IRAG2: variants seen among roughly 807,000 people sequenced by gnomAD.
IRAG2 encodes inositol 1,4,5-triphosphate receptor associated 2, also known as lymphoid restricted membrane protein.
IRAG2 carries 45 observed loss-of-function variants against 69.9 expected under a neutral mutation model. The observed-to-expected ratio is 0.64, with a 90% CI of 0.51 to 0.83. The LOEUF is 0.83. IRAG2 is among the 40% of genes least tolerant of loss of function. IRAG2 has a pLI of 0.00. For missense variants in IRAG2, 520 were observed against 587.0 expected, an observed-to-expected ratio of 0.89 and a Z score of 1.18; for synonymous variants, 193 against 202.4, an observed-to-expected ratio of 0.95 and a Z score of 0.40.
upstream of IRAG2, among the ~76,000 whole-genome samples, chr12:25,000,979 A>C (rs1944387710): frequency 6.6e-6 from 1 of 152,226 alleles, no homozygotes; most frequent in Non-Finnish European, 1.5e-5. Context: ...TTTAGACAGA[A>C]GAGACAGGAG....
At chr12:25,006,385 G>A (rs1944430352) in intron 2 of IRAG2, 1 of 152,164 alleles carries the variant, frequency 6.6e-6, no homozygotes, top group Admixed American at 6.5e-5. Flanking sequence ...TGTACCCAAA[G>A]GAATGTAAAT....
At chr12:25,098,195 A>G (rs929958967) in intron 15 of IRAG2, among the ~76,000 whole-genome samples, 8 of 152,204 alleles carry the variant, frequency 5.3e-5, no homozygotes, top group African/African-American at 1.9e-4. Context: ...ATGCCTGCAT[A>G]GCTGGAAAAT....
At chr12:25,098,439 GC>G (rs1948552858) in intron 15 of IRAG2, among the ~76,000 whole-genome samples, 1 of 152,212 alleles carries the variant, frequency 6.6e-6, no homozygotes, top group East Asian at 1.9e-4. Flanking sequence ...CTGCCACAAA[GC>G]CTCCCAGCGT....
chr12:25,091,126 T>A (rs1278483664), intron 14 of IRAG2: 1 of 171,936 alleles, frequency 5.8e-6, no homozygotes, highest in Admixed American at 6.3e-5. Flanking sequence ...AAGAATCACG[T>A]TATTTTTTAC....
At chr12:25,023,794 C>A in intron 7 of IRAG2, 3 of 707,530 alleles carry the variant, frequency 4.2e-6, no homozygotes, top group South Asian at 1.4e-4. Flanking sequence ...TAGAGAATGT[C>A]AGCCTTGGAG....
At chr12:25,029,672 T>G (rs1323835602) in intron 9 of IRAG2, among the ~76,000 whole-genome samples, 1 of 152,178 alleles carries the variant, frequency 6.6e-6, no homozygotes, top group African/African-American at 2.4e-5. Context: ...AATATGTTTT[T>G]TTTTTTTATT....
chr12:25,048,762 T>A (rs939672001), upstream of IRAG2, among the ~76,000 whole-genome samples: 1 of 152,258 alleles, frequency 6.6e-6, no homozygotes. Flanking sequence ...AACTCTTTAG[T>A]TTAATTAGAT....
intron 2 of IRAG2, among the ~76,000 whole-genome samples, chr12:25,007,234 C>T (rs1944440075): frequency 6.6e-6 from 1 of 152,212 alleles, no homozygotes; most frequent in Admixed American, 6.5e-5. Flanking sequence ...ATTTCATCCA[C>T]AAATATTTCA....
chr12:25,012,581 AT>A (rs1218951871), intron 3 of IRAG2, among the ~76,000 whole-genome samples: 1 of 151,684 alleles, frequency 6.6e-6, no homozygotes, highest in East Asian at 2.0e-4. Flanking sequence ...TAATCCCAGC[AT>A]TTTGGGAGGC....
chr12:25,026,818 A>T, exon 9 of IRAG2: 1 of 1,229,328 alleles, frequency 8.1e-7, no homozygotes, highest in Non-Finnish European at 1.0e-6. Flanking sequence ...ATATAGACAG[A>T]CTGGAAAAGA....
At chr12:25,054,868 T>A (rs1945133691) in intron 1 of IRAG2, among the ~76,000 whole-genome samples, 1 of 152,194 alleles carries the variant, frequency 6.6e-6, no homozygotes, top group Admixed American at 6.5e-5. Flanking sequence ...AAATGTTCTA[T>A]ATAGCAGATG....
At chr12:25,022,128 C>T (rs575932352) in intron 7 of IRAG2, among the ~76,000 whole-genome samples, 2 of 152,296 alleles carry the variant, frequency 1.3e-5, no homozygotes, top group East Asian at 3.9e-4. Flanking sequence ...ATACTACTTA[C>T]CCTAGGGCTG....
At chr12:25,023,126 CAAAAAAAAA>C (rs139607228) in intron 7 of IRAG2, among the ~76,000 whole-genome samples, 2 of 112,560 alleles carry the variant, frequency 1.8e-5, no homozygotes, top group African/African-American at 3.3e-5. Context: ...GACTTCGTCT[CAAAAAAAAA>C]AAAAAAAAAA....
At chr12:25,005,765 T>G (rs1944425980) in intron 2 of IRAG2, among the ~76,000 whole-genome samples, 2 of 152,230 alleles carry the variant, frequency 1.3e-5, no homozygotes, top group Admixed American at 6.5e-5. Flanking sequence ...AGATGTGTTT[T>G]TTAAAAAATT....
chr12:25,094,242 A>AT (rs1948271563), intron 14 of IRAG2, among the ~76,000 whole-genome samples: 1 of 151,892 alleles, frequency 6.6e-6, no homozygotes, highest in South Asian at 2.1e-4. Context: ...TATTTAATCC[A>AT]TTTTGAGTTA....
intron 9 of IRAG2, among the ~76,000 whole-genome samples, chr12:25,081,115 T>C (rs984461638): frequency 3.9e-5 from 6 of 152,106 alleles, no homozygotes; most frequent in Non-Finnish European, 8.8e-5. Flanking sequence ...TAGAACAATT[T>C]TGACAACATA....
Position 25,103,849 on chromosome 12 carries a change from C to G in IRAG2, c.946C>G (p.Arg316Gly), listed in dbSNP as rs372629272. 3 of 1,612,050 alleles carry G rather than the reference C, an allele frequency of 1.9e-6. No homozygotes were observed. The highest frequency in any genetic ancestry group is 2.7e-5 in the African/African-American group (2 of 74,858). The part of the protein sequence containing the change: ...ASLNSKPSSL[R>G]RVTIASLPRN... Reference sequence around the variant, plus strand: ...CTCCTTCTGGTAGCCATCTTCTCTACGAAGAGTGACTATTGCCTCTTTACC... The same window carrying G: ...CTCCTTCTGGTAGCCATCTTCTCTAGGAAGAGTGACTATTGCCTCTTTACC... The change falls in exon 18 of 22, where the codon CGA becomes GGA. Residue 316 changes from arginine (R) to glycine (G), a missense_variant. Coordinates refer to ENST00000556887, the MANE Select transcript of IRAG2 (RefSeq NM_001366544.2).
exon 16 of IRAG2, chr12:25,038,070 A>G (rs1944716052): frequency 2.5e-6 from 1 of 398,804 alleles, no homozygotes; most frequent in African/African-American, 2.1e-5. Context: ...AGAATTTGCC[A>G]AATTAATAGA....
At chr12:25,004,197 A>T (rs150172672), upstream of IRAG2, 386 of 532,106 alleles carry the variant, frequency 7.3e-4, 7 homozygotes, top group East Asian at 0.013. Context: ...GAAACTGAGC[A>T]TCTTGTCATG....
Sources: allele counts gnomAD v4.1 joint callset (sites outside exome capture counted in the v4.1 genomes callset), GRCh38; gene constraint gnomAD v4.1.1; transcripts MANE v1.5; gene names NCBI Gene and HGNC (gene_info 2026-07-23, HGNC 2026-07-21).